NTNG2: variants seen among roughly 807,000 people sequenced by gnomAD.
The protein encoded by NTNG2 is netrin-G2.
NTNG2 carries 15 observed loss-of-function variants against 47.6 expected under a neutral mutation model. That is an observed-to-expected ratio of 0.32 (90% CI 0.21 to 0.49). NTNG2 has a LOEUF of 0.49. Ranked by LOEUF, NTNG2 falls within the 20% of genes least tolerant of loss-of-function variation. The probability of loss-of-function intolerance (pLI) is 0.99; values close to 1 mark genes in which losing one functional copy is unlikely to be tolerated. For synonymous variants in NTNG2, 307 were observed against 324.6 expected (o/e 0.95, Z 0.58); for missense variants, 578 against 764.6 (o/e 0.76, Z 2.88).
chr9:132,230,774 C>G (rs1298532824), intron 5 of NTNG2, among the ~76,000 whole-genome samples, 179 bp downstream of exon 5: 1 of 151,120 alleles, frequency 6.6e-6, no homozygotes, highest in Non-Finnish European at 1.5e-5. Flanking sequence ...TCCACCTCCC[C>G]CCCTCCACCC....
At position 132,191,332 on chromosome 9, in the gene NTNG2, G is replaced by A. The variant is rs539861413; in HGVS notation, c.214-6634G>A. ...GAGTGGAGTGTCCCTGAGTTAATAC[G>A]AAGCTGCTGTTTCAAAATAATCGCT... On this transcript the variant is annotated intron_variant, in intron 2 of 7. Coordinates refer to ENST00000393229, the MANE Select transcript of NTNG2 (RefSeq NM_032536.4). Among the ~76,000 whole-genome samples, 5 of 152,110 alleles carry A rather than the reference G, an allele frequency of 3.3e-5. No individual in the cohort carries two copies. The South Asian group carries it at 1.0e-3, about 32-fold the overall frequency.
chr9:132,199,585 A>G (rs1382227173), intron 3 of NTNG2, among the ~76,000 whole-genome samples: 2 of 152,208 alleles, frequency 1.3e-5, no homozygotes, highest in African/African-American at 4.8e-5. Flanking sequence ...AGATGATGGT[A>G]TAGGCATTGC....
At chr9:132,230,422 A>T (rs1841111549) in intron 4 of NTNG2, 150 bp from the exon 5 acceptor site, 2 of 704,670 alleles carry the variant, frequency 2.8e-6, no homozygotes, top group East Asian at 5.4e-5. Flanking sequence ...GCAGGTCATC[A>T]TGATTGCTAG....
In NTNG2 at chr9:132,231,610, C is replaced by G; in HGVS notation, c.1054+1015C>G. 3.3e-6 allele frequency: 1 copy of G among 300,772 alleles called. No individual in the cohort carries two copies. Among genetic ancestry groups the G allele is most frequent in the Non-Finnish European group, 6.5e-6 (1 of 152,958 alleles). The allele number at this position is 300,772 out of a possible 1,614,324, so 18.6% of individuals were successfully genotyped here. A position where few individuals can be genotyped will look rare whatever the true frequency, so the allele number is the denominator to read the frequency against. ...TGGTGTCCCCACCCCGGCAACCCCC[C>G]AACCCTCTCTTGCTTTTCCCATCTC... is the stretch of plus-strand genomic sequence containing the variant. On this transcript the variant is annotated intron_variant, in intron 5 of 7. Coordinates refer to ENST00000393229, the MANE Select transcript of NTNG2 (RefSeq NM_032536.4). This position sits in a 1 kb window ranked among gnomAD's most constrained non-coding sequence, Gnocchi z 4.1.
rs548872822 is a variant in NTNG2 at position 132,236,967 on chromosome 9, T to C, written c.1055-2137T>C. Among the ~76,000 whole-genome samples, 4 of 152,322 alleles carry C rather than the reference T, an allele frequency of 2.6e-5. No individual in the cohort carries two copies. In the East Asian group the frequency reaches 7.7e-4, roughly 29 times the overall value. On this transcript the variant is annotated intron_variant, in intron 5 of 7. Coordinates refer to ENST00000393229, the MANE Select transcript of NTNG2 (RefSeq NM_032536.4). The surrounding 1 kb of genome is among the most constrained non-coding windows in gnomAD (Gnocchi z 4.3). ...AAGTCCTTAAATGCCAAGTTTAGTC[T>C]CTGGGTTTGATGCTCCAGGAAGTTT... is the stretch of plus-strand genomic sequence containing the variant.
chr9:132,222,315 C>T (rs1336113468), intron 3 of NTNG2, among the ~76,000 whole-genome samples: 2 of 152,232 alleles, frequency 1.3e-5, no homozygotes, highest in Non-Finnish European at 2.9e-5. Context: ...AGAAGGGCCG[C>T]CCGTACCAAT....
chr9:132,242,236 C>A lies in NTNG2; in HGVS notation c.*125C>A. 3.4e-6 allele frequency: 1 copy of A among 290,746 alleles called. No homozygotes were observed. Among genetic ancestry groups the A allele is most frequent in the Non-Finnish European group, 5.4e-6 (1 of 186,386 alleles). 18.0% of individuals were successfully genotyped at this position (290,746 alleles called of 1,614,324 possible). On this transcript the variant is annotated 3_prime_UTR_variant, in exon 8 of 8. Transcript: ENST00000393229. The surrounding 1 kb of genome is among the most constrained non-coding windows in gnomAD (Gnocchi z 5.9). Reference sequence around the variant, plus strand: ...CGAGGTGCTCCCAGGTGCTACTCAGCAGGGCCCCCCGCCCGGCCCGCGCTC... The same window carrying A: ...CGAGGTGCTCCCAGGTGCTACTCAGAAGGGCCCCCCGCCCGGCCCGCGCTC...
intron 2 of NTNG2, among the ~76,000 whole-genome samples, chr9:132,189,161 C>T (rs1225168838): frequency 1.4e-5 from 2 of 144,408 alleles, no homozygotes; most frequent in South Asian, 2.2e-4. Context: ...ACTACAGCCT[C>T]GACCTCCTGG....
rs117140963 is a variant in NTNG2, at chr9:132,189,464, G to T, written c.214-8502G>T. ...AACTGGCGGGAATTTTGCAAGACCT[G>T]TGTGTCCAGGTCCCTCTCTGTGACC... On this transcript the variant is annotated intron_variant, in intron 2 of 7. Transcript: ENST00000393229. 7.0e-3 allele frequency among the ~76,000 whole-genome samples: 1,073 copies of T among 152,212 alleles called. 10 individuals are homozygous for T. The highest frequency in any genetic ancestry group is 0.027 in the South Asian group (129 of 4,824).
At chr9:132,187,739 A>G (rs1837516608) in intron 2 of NTNG2, among the ~76,000 whole-genome samples, 1 of 152,204 alleles carries the variant, frequency 6.6e-6, no homozygotes, top group Admixed American at 6.5e-5. Context: ...TTTTCTTACC[A>G]ATAAATAGGA....
intron 2 of NTNG2, among the ~76,000 whole-genome samples, chr9:132,168,588 G>T (rs966834794): frequency 6.6e-6 from 1 of 152,080 alleles, no homozygotes; most frequent in Non-Finnish European, 1.5e-5. Context: ...AAGGCGGCAC[G>T]AAGCCAGGAG....
At chr9:132,185,734 A>G (rs1460235866) in intron 2 of NTNG2, among the ~76,000 whole-genome samples, 7 of 151,830 alleles carry the variant, frequency 4.6e-5, no homozygotes, top group Non-Finnish European at 8.8e-5. Context: ...AAAAAGTATG[A>G]AAGTGTTGAG....
chr9:132,170,657 C>A (rs1835847634), intron 2 of NTNG2, among the ~76,000 whole-genome samples: 1 of 152,138 alleles, frequency 6.6e-6, no homozygotes. Flanking sequence ...TTCCTTTGTG[C>A]CTTGGAGACA....
At chr9:132,173,350 C>G (rs923382262) in intron 2 of NTNG2, among the ~76,000 whole-genome samples, 2 of 152,118 alleles carry the variant, frequency 1.3e-5, no homozygotes, top group African/African-American at 4.8e-5. Context: ...GGCCCGGGGC[C>G]CAGGGAGTGA....
At chr9:132,228,596 C>T (rs183616048) in intron 4 of NTNG2, among the ~76,000 whole-genome samples, 37 of 150,182 alleles carry the variant, frequency 2.5e-4, no homozygotes, top group African/African-American at 7.4e-4. Context: ...CTCACTCTGT[C>T]GTCCAGGCTG....
intron 5 of NTNG2, 75 bp from the exon 6 acceptor site, chr9:132,239,029 T>C (rs1278991384): frequency 6.8e-7 from 1 of 1,474,274 alleles, no homozygotes; most frequent in Non-Finnish European, 9.5e-7. Context: ...CTGGGGTGAG[T>C]CCTTCCTCGC....
intron 1 of NTNG2, among the ~76,000 whole-genome samples, chr9:132,164,097 A>G (rs986990762): frequency 6.6e-6 from 1 of 152,174 alleles, no homozygotes; most frequent in African/African-American, 2.4e-5. Context: ...TTTTTGGCAG[A>G]ACCCGCCTGC....
chr9:132,184,328 G>A (rs1042007422), intron 2 of NTNG2, among the ~76,000 whole-genome samples: 13 of 152,226 alleles, frequency 8.5e-5, no homozygotes, highest in African/African-American at 3.1e-4. Flanking sequence ...CACCTGGAGA[G>A]GGAAGGGGCC....
rs910470037 is a variant in NTNG2 at position 132,162,867 on chromosome 9, C to G, written c.-484+628C>G. On this transcript the variant is annotated intron_variant, in intron 1 of 7. Coordinates refer to ENST00000393229, the MANE Select transcript of NTNG2 (RefSeq NM_032536.4). The surrounding 1 kb of genome is among the most constrained non-coding windows in gnomAD (Gnocchi z 4.6). The stretch of plus-strand genomic sequence containing the variant: ...GGGGGCGCAGGCACTGGTTTGGGGC[C>G]GGCGTGGAGTCGAACCTGGAACTGA... 6.6e-6 allele frequency among the ~76,000 whole-genome samples: 1 copy of G among 151,930 alleles called. No individual in the cohort carries two copies. Among genetic ancestry groups the G allele is most frequent in the Non-Finnish European group, 1.5e-5 (1 of 67,968 alleles).
Sources: gnomAD v4.1 joint callset for allele counts (sites outside exome capture counted in the v4.1 genomes callset) on GRCh38, gnomAD v4.1.1 for gene constraint, Gnocchi (gnomAD v3.1) non-coding constraint, MANE v1.5 for transcripts, NCBI Gene and HGNC (gene_info 2026-07-23, HGNC 2026-07-21) for gene names.